The following DHRSX variants were observed in gnomAD, a reference collection of about 807,000 sequenced individuals.
The protein encoded by DHRSX is polyprenol dehydrogenase.
DHRSX carries 31 observed loss-of-function variants against 34.0 expected under a neutral mutation model. That is an observed-to-expected ratio of 0.91 (90% confidence interval 0.69 to 1.23). The LOEUF is 1.23. DHRSX is among the 50% of genes most tolerant of loss of function. The probability of loss-of-function intolerance (pLI) is 0.00; values close to 1 mark genes in which losing one functional copy is unlikely to be tolerated. For synonymous variants in DHRSX, 201 were observed against 183.8 expected (o/e 1.09, Z -0.76); for missense variants, 414 against 428.1 (o/e 0.97, Z 0.29).
intron 3 of DHRSX, among the ~76,000 whole-genome samples, chrX:2,298,635 CACGAG>C: frequency 6.9e-6 from 1 of 144,930 alleles, no homozygotes; most frequent in South Asian, 2.2e-4. Flanking sequence ...CACACACACA[CACGAG>C]GTCTTATTTT....
At chrX:2,345,393 A>ATGG (rs1161824779) in intron 3 of DHRSX, among the ~76,000 whole-genome samples, 2,489 of 152,122 alleles carry the variant, frequency 0.016, 79 homozygotes, top group African/African-American at 0.057. Context: ...CTATAATCCC[A>ATGG]GCACTTTGGG....
intron 1 of DHRSX, among the ~76,000 whole-genome samples, chrX:2,448,927 G>T (rs1183829575): frequency 1.3e-5 from 2 of 152,134 alleles, no homozygotes; most frequent in Non-Finnish European, 2.9e-5. Context: ...GGTGGCTCAC[G>T]CCTGTCATCC....
At chrX:2,412,235 T>C (rs1411721577) in intron 2 of DHRSX, among the ~76,000 whole-genome samples, 2 of 152,138 alleles carry the variant, frequency 1.3e-5, no homozygotes, top group Admixed American at 1.3e-4. Flanking sequence ...ATATGTGCAA[T>C]GGAAATTGGT....
At chrX:2,225,022 G>A (rs1423442951) in intron 6 of DHRSX, among the ~76,000 whole-genome samples, 1 of 145,384 alleles carries the variant, frequency 6.9e-6, no homozygotes, top group African/African-American at 2.6e-5. Context: ...TCATTCACAT[G>A]CACACAGCTC....
intron 6 of DHRSX, among the ~76,000 whole-genome samples, chrX:2,227,141 G>C (rs1262962256): frequency 1.3e-5 from 2 of 152,060 alleles, no homozygotes; most frequent in Admixed American, 1.3e-4. Flanking sequence ...ATGCCAGGCA[G>C]TGCTGAGAAC....
Position 2,310,561 on chromosome X carries a change from T to A in DHRSX, c.287-18958A>T, listed in dbSNP as rs866075372. On this transcript the variant is annotated intron_variant, in intron 3 of 6. Coordinates refer to ENST00000334651, the MANE Select transcript of DHRSX (RefSeq NM_145177.3). ...GTGTGTATATGTGTGTGTGTGTGTG[T>A]GAGAGAGAGAGAGAGAGGGAGAGAG... Among the ~76,000 whole-genome samples, 1,335 of 144,400 alleles carry A rather than the reference T, an allele frequency of 9.2e-3. 8 individuals carry two copies. The highest frequency in any genetic ancestry group is 0.023 in the African/African-American group (870 of 37,224). The allele number at this position is 144,400 out of a possible 152,430, so 94.7% of individuals were successfully genotyped here.
chrX:2,248,604 A>T (rs987449740), intron 5 of DHRSX, among the ~76,000 whole-genome samples: 2 of 95,098 alleles, frequency 2.1e-5, no homozygotes, highest in Non-Finnish European at 4.3e-5. Context: ...CAAGAGCAAG[A>T]CTCTGTCTCA....
intron 3 of DHRSX, among the ~76,000 whole-genome samples, chrX:2,317,370 C>G (rs771079015): frequency 2.7e-5 from 4 of 150,814 alleles, no homozygotes; most frequent in African/African-American, 9.8e-5. Context: ...TTCTGCCTCA[C>G]TGTCCCAAGT....
chrX:2,270,616 T>C (rs1249532966), intron 4 of DHRSX, among the ~76,000 whole-genome samples: 1 of 152,116 alleles, frequency 6.6e-6, no homozygotes, highest in East Asian at 1.9e-4. Flanking sequence ...TGTGAGGTCC[T>C]TGAGGAAAAA....
intron 1 of DHRSX, among the ~76,000 whole-genome samples, chrX:2,465,422 T>C (rs1175553801): frequency 6.6e-6 from 1 of 152,064 alleles, no homozygotes; most frequent in Non-Finnish European, 1.5e-5. Context: ...CTGTTTAGCA[T>C]ACAAAATCAA....
intron 3 of DHRSX, among the ~76,000 whole-genome samples, chrX:2,321,402 T>A (rs1448406512): frequency 6.6e-6 from 1 of 152,102 alleles, no homozygotes; most frequent in Non-Finnish European, 1.5e-5. Context: ...ATGGAATGAA[T>A]GGTGTCACCC....
rs1204664232 is a variant in DHRSX at position 2,238,250 on chromosome X, G to A, written c.804+4773C>T. On this transcript the variant is annotated intron_variant, in intron 6 of 6. Transcript: ENST00000334651. ...TGCATTCGTGTAGTCCCAGCTACTC[G>A]GGAGGTGGAGGTGGGGTGATCGTTT... 4.6e-5 allele frequency among the ~76,000 whole-genome samples: 7 copies of A among 152,186 alleles called. No homozygotes were observed. The South Asian group carries it at 6.2e-4, about 14-fold the overall frequency.
chrX:2,357,700 T>TAAAAAA (rs781233833), intron 3 of DHRSX, among the ~76,000 whole-genome samples: 1 of 125,162 alleles, frequency 8.0e-6, no homozygotes, highest in Non-Finnish European at 1.7e-5. Flanking sequence ...CTCAGGAAAT[T>TAAAAAA]AAAAAAAAAA....
At chrX:2,314,505 A>C in intron 3 of DHRSX, among the ~76,000 whole-genome samples, 1 of 45,640 alleles carries the variant, frequency 2.2e-5, no homozygotes, top group South Asian at 6.2e-4. Flanking sequence ...TAAAGGAGGT[A>C]AGGGAGGGAG....
At chrX:2,290,691 T>G (rs1251355049) in intron 4 of DHRSX, among the ~76,000 whole-genome samples, 2 of 152,254 alleles carry the variant, frequency 1.3e-5, no homozygotes, top group Non-Finnish European at 2.9e-5. Context: ...GCATTTGGTC[T>G]CCATCTGTGA....
intron 1 of DHRSX, among the ~76,000 whole-genome samples, chrX:2,469,159 C>A (rs1973090309): frequency 6.6e-6 from 1 of 152,102 alleles, no homozygotes; most frequent in African/African-American, 2.4e-5. Context: ...ACCATGTACA[C>A]ACCGAAGACG....
At chrX:2,324,769 CTTTT>C (rs570670358) in intron 3 of DHRSX, among the ~76,000 whole-genome samples, 3 of 131,018 alleles carry the variant, frequency 2.3e-5, no homozygotes, top group Non-Finnish European at 3.2e-5. Flanking sequence ...TTTTTCTTTT[CTTTT>C]TTTTTTTTTT....
rs368035266 is a variant in DHRSX, at chrX:2,403,717, C to G, written c.286+5028G>C. The stretch of plus-strand genomic sequence containing the variant: ...TAAAAATACAAAAAATTAGCCGGGC[C>G]TGGTGGTGGGTGTCTGTGATCCCAG... On this transcript the variant is annotated intron_variant, in intron 3 of 6. Transcript: ENST00000334651. Among the ~76,000 whole-genome samples the G allele has an allele frequency of 2.6e-3, 397 of 151,874 alleles. 2 individuals carry two copies. The highest frequency in any genetic ancestry group is 9.0e-3 in the African/African-American group (374 of 41,440).
intron 3 of DHRSX, among the ~76,000 whole-genome samples, chrX:2,376,996 A>T (rs1603025258): frequency 1.6e-5 from 1 of 62,596 alleles, no homozygotes. Context: ...ACTCTATCTC[A>T]AAAAAAAAAA....
Sources: allele counts gnomAD v4.1 joint callset (sites outside exome capture counted in the v4.1 genomes callset), GRCh38; gene constraint gnomAD v4.1.1; transcripts MANE v1.5; gene names NCBI Gene and HGNC (gene_info 2026-07-23, HGNC 2026-07-21).